The following PLCL1 variants were observed in gnomAD, a reference collection of about 807,000 sequenced individuals.
PLCL1 encodes the protein phospholipase C like 1 (inactive).
In PLCL1, 41 loss-of-function variants were observed where a neutral mutation model predicts 84.4. The observed-to-expected ratio is 0.49, with a 90% CI of 0.38 to 0.63. The LOEUF (loss-of-function observed/expected upper bound fraction) is 0.63. PLCL1 is among the 30% of genes least tolerant of loss of function. PLCL1 has a pLI of 0.00. For synonymous variants in PLCL1, 490 were observed against 488.3 expected (o/e 1.00, Z -0.05); for missense variants, 1,206 against 1,367.8 (o/e 0.88, Z 1.87).
At chr2:197,966,438 G>A (rs1326780774) in intron 1 of PLCL1, among the ~76,000 whole-genome samples, 2 of 152,136 alleles carry the variant, frequency 1.3e-5, no homozygotes, top group Non-Finnish European at 2.9e-5. Flanking sequence ...TGACTTCTGG[G>A]ATGGGTGATT....
At chr2:197,935,139 C>T (rs537696694) in intron 1 of PLCL1, among the ~76,000 whole-genome samples, 9 of 152,118 alleles carry the variant, frequency 5.9e-5, no homozygotes, top group East Asian at 1.9e-4. Flanking sequence ...AATAACAGGT[C>T]CTGGTGAGTT....
In PLCL1 at chr2:198,084,560, T is replaced by G; in HGVS notation, c.1043T>G (p.Ile348Ser). Residue 348 changes from isoleucine (I) to serine (S), a missense_variant, in exon 2 of 6, where the codon ATC becomes AGC. Ile to Ser is a moderately radical substitution (Grantham distance 142). Transcript: ENST00000428675. Reference sequence around the variant, plus strand: ...GAAGCTGAGCAAGGAGTCACCCATATCACCGAGGATATATGCTTAGACATC... The same window carrying G: ...GAAGCTGAGCAAGGAGTCACCCATAGCACCGAGGATATATGCTTAGACATC... ...FLEAEQGVTH[I>S]TEDICLDIIR... 1 of 1,613,894 alleles carries G rather than the reference T, an allele frequency of 6.2e-7. No individual in the cohort carries two copies. Among genetic ancestry groups the G allele is most frequent in the African/African-American group, 1.3e-5 (1 of 75,022 alleles).
chr2:198,052,813 A>G (rs1466877155), intron 1 of PLCL1, among the ~76,000 whole-genome samples: 3 of 152,194 alleles, frequency 2.0e-5, no homozygotes, highest in Non-Finnish European at 4.4e-5. Flanking sequence ...TGACTAGGTT[A>G]AGTATCTCCT....
intron 1 of PLCL1, among the ~76,000 whole-genome samples, chr2:197,986,891 C>A (rs1690229987): frequency 6.6e-6 from 1 of 152,170 alleles, no homozygotes. Flanking sequence ...AATCACCTTA[C>A]AAGCTAGAAG....
intron 1 of PLCL1, among the ~76,000 whole-genome samples, chr2:197,897,162 CTTCTTCTTCTTCTTCTTCTTCTTCTT>C (rs1688157298): frequency 1.6e-4 from 5 of 31,848 alleles, no homozygotes; most frequent in African/African-American, 1.1e-3. Flanking sequence ...TCTTCTTCTT[CTTCTTCTTCTTCTTCTTCTTCTTCTT>C]CTCCTTCTCC....
intron 1 of PLCL1, among the ~76,000 whole-genome samples, chr2:197,906,568 G>A (rs1312317326): frequency 6.6e-6 from 1 of 151,990 alleles, no homozygotes; most frequent in Non-Finnish European, 1.5e-5. Context: ...TCCATGTTAA[G>A]TTTAAACTAG....
At chr2:198,005,537 C>A (rs570646952) in intron 1 of PLCL1, among the ~76,000 whole-genome samples, 1 of 152,326 alleles carries the variant, frequency 6.6e-6, no homozygotes, top group South Asian at 2.1e-4. Flanking sequence ...CTATGTTAGA[C>A]CCTGTGTTAG....
intron 1 of PLCL1, among the ~76,000 whole-genome samples, chr2:198,024,842 T>G (rs1226349224): frequency 6.6e-6 from 1 of 152,194 alleles, no homozygotes; most frequent in Non-Finnish European, 1.5e-5. Flanking sequence ...AAATTTCTGA[T>G]GAATTAATTT....
chr2:198,111,120 C>T (rs1693610301), intron 5 of PLCL1, among the ~76,000 whole-genome samples: 1 of 151,788 alleles, frequency 6.6e-6, no homozygotes, highest in African/African-American at 2.4e-5. Flanking sequence ...GCTCTTGTAT[C>T]AGTTGGGGTA....
At chr2:198,068,531 C>T (rs192794749) in intron 1 of PLCL1, among the ~76,000 whole-genome samples, 1 of 152,204 alleles carries the variant, frequency 6.6e-6, no homozygotes, top group African/African-American at 2.4e-5. Flanking sequence ...GAAATTTATC[C>T]TCTCAGGGGT....
At chr2:197,926,526 T>C (rs904337843) in intron 1 of PLCL1, among the ~76,000 whole-genome samples, 1 of 152,228 alleles carries the variant, frequency 6.6e-6, no homozygotes, top group Non-Finnish European at 1.5e-5. Context: ...ACGTGATATT[T>C]AAAAAATTTG....
intron 5 of PLCL1, among the ~76,000 whole-genome samples, chr2:198,114,645 T>A (rs570987585): frequency 1.3e-5 from 2 of 151,838 alleles, no homozygotes; most frequent in Non-Finnish European, 2.9e-5. Context: ...AACCAAATTG[T>A]TTCATTCTGG....
At chr2:197,811,384 C>A (rs1690583422) in intron 1 of PLCL1, among the ~76,000 whole-genome samples, 1 of 152,174 alleles carries the variant, frequency 6.6e-6, no homozygotes, top group South Asian at 2.1e-4. Flanking sequence ...TCTGTAACAT[C>A]TTTTGTGAAT....
At chr2:197,812,582 A>C (rs1465592407) in intron 1 of PLCL1, among the ~76,000 whole-genome samples, 1 of 152,214 alleles carries the variant, frequency 6.6e-6, no homozygotes, top group East Asian at 1.9e-4. Context: ...TGTTGGCTGC[A>C]TGCATGTCTT....
chr2:197,830,946 C>T (rs2105655356), intron 1 of PLCL1, among the ~76,000 whole-genome samples: 1 of 152,198 alleles, frequency 6.6e-6, no homozygotes, highest in South Asian at 2.1e-4. Context: ...GAAATAAAAT[C>T]CTTTACAGAC....
At chr2:197,866,449 A>G in intron 1 of PLCL1, among the ~76,000 whole-genome samples, 1 of 151,972 alleles carries the variant, frequency 6.6e-6, no homozygotes, top group East Asian at 1.9e-4. Context: ...ACTTACCTGA[A>G]TGTTAATGGG....
At chr2:197,860,293 T>A (rs990235588) in intron 1 of PLCL1, among the ~76,000 whole-genome samples, 1 of 152,200 alleles carries the variant, frequency 6.6e-6, no homozygotes, top group Non-Finnish European at 1.5e-5. Context: ...GGCATTTAGG[T>A]TGATTCCATG....
intron 2 of PLCL1, among the ~76,000 whole-genome samples, chr2:198,088,191 T>C (rs1387424740): frequency 6.6e-6 from 1 of 152,180 alleles, no homozygotes; most frequent in East Asian, 1.9e-4. Context: ...CGTTGATAGT[T>C]CATATTATCT....
At chr2:198,041,303 G>A (rs550161521) in intron 1 of PLCL1, among the ~76,000 whole-genome samples, 1 of 152,276 alleles carries the variant, frequency 6.6e-6, no homozygotes, top group Admixed American at 6.5e-5. Flanking sequence ...TGCCACTGAA[G>A]TACAAATATA....
Sources: allele counts gnomAD v4.1 joint callset (sites outside exome capture counted in the v4.1 genomes callset), GRCh38; gene constraint gnomAD v4.1.1; transcripts MANE v1.5; gene names NCBI Gene and HGNC (gene_info 2026-07-23, HGNC 2026-07-21).